COX17: variants seen among roughly 807,000 people sequenced by gnomAD.
The protein encoded by COX17 is cytochrome c oxidase copper chaperone.
A neutral mutation model predicts 6.3 loss-of-function variants in COX17; 1 was observed. That is an observed-to-expected ratio of 0.16 (90% confidence interval 0.06 to 0.75). The LOEUF is 0.75. COX17 is among the 30% of genes least tolerant of loss of function. The pLI is 0.77. For missense variants in COX17, 73 were observed against 81.2 expected (o/e 0.90, Z 0.39); for synonymous variants, 26 against 30.5 (o/e 0.85, Z 0.49).
downstream of COX17, among the ~76,000 whole-genome samples, chr3:119,668,236 G>A (rs917703877): frequency 2.6e-5 from 4 of 152,078 alleles, no homozygotes; most frequent in Admixed American, 1.3e-4. Flanking sequence ...TAAGGTTATC[G>A]ATTTTTTTGT....
chr3:119,675,405 A>G, intron 1 of COX17, 172 bp from the exon 2 acceptor site: 1 of 574,208 alleles, frequency 1.7e-6, no homozygotes. Flanking sequence ...TGATATGCCC[A>G]TGCCTATGAA....
chr3:119,674,263 G>A (rs6438541), intron 2 of COX17: 77,629 of 151,574 alleles, frequency 0.51, 20,432 homozygotes, highest in South Asian at 0.58. Context: ...GCTGCCCCAC[G>A]TCTGGGAAGT....
At chr3:119,665,667 C>T (rs1338857963), downstream of COX17, among the ~76,000 whole-genome samples, 2 of 152,354 alleles carry the variant, frequency 1.3e-5, no homozygotes, top group South Asian at 4.1e-4. Context: ...AGCCACCACA[C>T]CCAGCCAAGA....
chr3:119,670,807 G>A (rs1171940861), intron 2 of COX17, among the ~76,000 whole-genome samples: 1 of 150,034 alleles, frequency 6.7e-6, no homozygotes, highest in African/African-American at 2.5e-5. Context: ...CATATTTTAA[G>A]CATCCAACTG....
chr3:119,664,194 G>A (rs1212950234), intron 3 of COX17, among the ~76,000 whole-genome samples: 1 of 152,162 alleles, frequency 6.6e-6, no homozygotes, highest in East Asian at 1.9e-4. Context: ...TCAATCCATA[G>A]GGACTTTTAC....
At chr3:119,669,393 A>G (rs184929547), downstream of COX17, 3 of 152,270 alleles carry the variant, frequency 2.0e-5, no homozygotes, top group East Asian at 1.9e-4. Flanking sequence ...TCCTGACAAC[A>G]GATATCCAGA....
chr3:119,669,002 C>T (rs1246102291), downstream of COX17, among the ~76,000 whole-genome samples: 1 of 152,076 alleles, frequency 6.6e-6, no homozygotes, highest in Non-Finnish European at 1.5e-5. Context: ...ATTCTAATTT[C>T]TAATTAGTTT....
downstream of COX17, chr3:119,665,369 G>A (rs546956645): frequency 1.1e-4 from 17 of 152,232 alleles, no homozygotes; most frequent in African/African-American, 4.1e-4. Flanking sequence ...ACAAGCCTAG[G>A]TTTTTTTGTT....
At chr3:119,667,112 T>C (rs2052999593), downstream of COX17, 1 of 152,190 alleles carries the variant, frequency 6.6e-6, no homozygotes, top group South Asian at 2.1e-4. Flanking sequence ...AAGTCAAACA[T>C]TTCAAGGTTA....
intron 2 of COX17, among the ~76,000 whole-genome samples, chr3:119,669,974 A>T (rs1053897750): frequency 6.6e-6 from 1 of 152,194 alleles, no homozygotes; most frequent in South Asian, 2.1e-4. Context: ...TTTCTCAAAA[A>T]TATCCTCCAA....
At chr3:119,668,900 C>G (rs527894181), downstream of COX17, among the ~76,000 whole-genome samples, 1 of 152,224 alleles carries the variant, frequency 6.6e-6, no homozygotes. Context: ...ACACTCTGTT[C>G]AACTCCAGGC....
chr3:119,672,953 C>A (rs1301756932), intron 2 of COX17, among the ~76,000 whole-genome samples: 1 of 152,178 alleles, frequency 6.6e-6, no homozygotes, highest in African/African-American at 2.4e-5. Flanking sequence ...TTCCTTATCC[C>A]TCCTTTTTTA....
At chr3:119,676,138 G>C (rs1389075468) in intron 1 of COX17, among the ~76,000 whole-genome samples, 1 of 152,176 alleles carries the variant, frequency 6.6e-6, no homozygotes, top group Non-Finnish European at 1.5e-5. Flanking sequence ...TCATTTTACA[G>C]ACACATGAGG....
In COX17 at chr3:119,670,752, TTGTGTG is replaced by T. The variant is rs10542008; in HGVS notation, c.*5-1093_*5-1088del. On this transcript the variant is annotated intron_variant, in intron 2 of 2. Coordinates refer to ENST00000261070, the MANE Select transcript of COX17 (RefSeq NM_005694.2). ...GGGATATTTTCATACATGATCAGTT[TTGTGTG>T]TGTGTGTGTGTGTGTGTGTGTGTGT... is the stretch of plus-strand genomic sequence containing the variant. Among the ~76,000 whole-genome samples, 732 of 149,640 alleles carry T rather than the reference TTGTGTG, an allele frequency of 4.9e-3. 1 individual carries two copies. Among genetic ancestry groups the T allele is most frequent in the South Asian group, 8.7e-3 (41 of 4,728 alleles).
At chr3:119,676,975 C>T in intron 1 of COX17, 1 of 689,598 alleles carries the variant, frequency 1.5e-6, no homozygotes, top group Non-Finnish European at 2.6e-6. Context: ...ACCTACAAGG[C>T]CCAATAATTA....
intron 1 of COX17, chr3:119,676,833 G>A (rs1432119680): frequency 5.7e-6 from 4 of 702,826 alleles, no homozygotes; most frequent in East Asian, 5.4e-5. Context: ...CTAACGCAGT[G>A]CTTAACCCAT....
At chr3:119,670,816 TGTTAA>T (rs1173844631) in intron 2 of COX17, among the ~76,000 whole-genome samples, 3 of 151,868 alleles carry the variant, frequency 2.0e-5, no homozygotes, top group Non-Finnish European at 4.4e-5. Flanking sequence ...AGCATCCAAC[TGTTAA>T]GTTGTTAAAC....
chr3:119,673,092 ATTAAG>A (rs775822086), intron 2 of COX17, among the ~76,000 whole-genome samples: 32 of 152,172 alleles, frequency 2.1e-4, no homozygotes, highest in Non-Finnish European at 2.9e-4. Flanking sequence ...CTCAGCTGTT[ATTAAG>A]TTAAAAGTGG....
chr3:119,672,068 T>A (rs73857225), intron 2 of COX17, among the ~76,000 whole-genome samples: 1,674 of 152,356 alleles, frequency 0.011, 35 homozygotes, highest in African/African-American at 0.038. Context: ...GAATGTCTGC[T>A]ATCCACAACT....
Sources: allele counts gnomAD v4.1 joint callset (sites outside exome capture counted in the v4.1 genomes callset), GRCh38; gene constraint gnomAD v4.1.1; transcripts MANE v1.5; gene names NCBI Gene and HGNC (gene_info 2026-07-23, HGNC 2026-07-21).